The following ELP4 variants were observed in gnomAD, a reference collection of about 807,000 sequenced individuals.
ELP4 encodes elongator acetyltransferase complex subunit 4.
Under a neutral mutation model 48.9 loss-of-function variants are expected in ELP4, and 51 were observed. The observed-to-expected ratio is 1.04, with a 90% CI of 0.83 to 1.32. ELP4 has a LOEUF of 1.32. Ranked by LOEUF, ELP4 falls within the 40% of genes most tolerant of loss-of-function variation. The probability of loss-of-function intolerance (pLI) is 0.00; values close to 1 mark genes in which losing one functional copy is unlikely to be tolerated. For synonymous variants in ELP4, 210 were observed against 189.2 expected (o/e 1.11, Z -0.90); for missense variants, 519 against 514.6 (o/e 1.01, Z -0.08).
At chr11:31,612,413 A>G (rs189097727) in intron 5 of ELP4, among the ~76,000 whole-genome samples, 15 of 152,246 alleles carry the variant, frequency 9.9e-5, no homozygotes, top group Non-Finnish European at 2.1e-4. Context: ...AGAAATCTCA[A>G]ATGGTTGGAG....
At chr11:31,543,986 A>C (rs533408791) in intron 3 of ELP4, among the ~76,000 whole-genome samples, 1 of 152,266 alleles carries the variant, frequency 6.6e-6, no homozygotes, top group Non-Finnish European at 1.5e-5. Context: ...AAAAATCAAA[A>C]TAATGCCAAA....
intron 3 of ELP4, among the ~76,000 whole-genome samples, chr11:31,546,164 G>C (rs1338102555): frequency 1.3e-5 from 2 of 151,926 alleles, no homozygotes; most frequent in Admixed American, 1.3e-4. Context: ...TGGACTAAAT[G>C]CTCCAATTAA....
At chr11:31,612,839 A>C (rs1958007049) in intron 5 of ELP4, among the ~76,000 whole-genome samples, 1 of 152,202 alleles carries the variant, frequency 6.6e-6, no homozygotes, top group African/African-American at 2.4e-5. Context: ...GCTGGGGGTT[A>C]GCTATATGTA....
At chr11:31,747,874 A>T (rs1170911771) in intron 9 of ELP4, among the ~76,000 whole-genome samples, 1 of 152,256 alleles carries the variant, frequency 6.6e-6, no homozygotes, top group Admixed American at 6.5e-5. Context: ...GCAGACAGGT[A>T]GTAGAAAGTA....
chr11:31,739,917 T>C (rs1592269657), intron 9 of ELP4, among the ~76,000 whole-genome samples: 1 of 152,220 alleles, frequency 6.6e-6, no homozygotes, highest in East Asian at 1.9e-4. Flanking sequence ...CCCCATTTGC[T>C]TAAGCATTAC....
chr11:31,753,775 A>T, intron 9 of ELP4, among the ~76,000 whole-genome samples: 2 of 152,366 alleles, frequency 1.3e-5, no homozygotes, highest in South Asian at 4.1e-4. Flanking sequence ...TATGAAATTT[A>T]TTAAATTTTA....
chr11:31,775,059 A>G (rs1212281246), intron 9 of ELP4, among the ~76,000 whole-genome samples: 1 of 152,240 alleles, frequency 6.6e-6, no homozygotes, highest in Non-Finnish European at 1.5e-5. Context: ...AAGTGGGAAG[A>G]GGGAAGTTAG....
intron 9 of ELP4, among the ~76,000 whole-genome samples, chr11:31,684,178 G>C (rs1475725331): frequency 6.6e-6 from 1 of 151,554 alleles, no homozygotes; most frequent in African/African-American, 2.4e-5. Context: ...ATAAATTTTT[G>C]TTAAATAAAA....
At chr11:31,667,680 A>G (rs1280472193) in intron 9 of ELP4, among the ~76,000 whole-genome samples, 5 of 152,186 alleles carry the variant, frequency 3.3e-5, no homozygotes, top group African/African-American at 7.2e-5. Flanking sequence ...TTTCAACTAT[A>G]AAACTTCTAC....
In ELP4 at chr11:31,515,688, G is replaced by A. The variant is rs557133309; in HGVS notation, c.224-4368G>A. ...CCACCCCCCACAAAAAAAAGGAATTGCCAAAATGGTAAAGGTAGCTCTTTC... is the reference window on the plus strand; with the variant it reads ...CCACCCCCCACAAAAAAAAGGAATTACCAAAATGGTAAAGGTAGCTCTTTC... On this transcript the variant is annotated intron_variant, in intron 1 of 9. Transcript: ENST00000640961. Among the ~76,000 whole-genome samples the A allele has an allele frequency of 5.3e-5, 8 of 151,924 alleles. No homozygotes were observed. The South Asian group carries it at 1.7e-3, about 32-fold the overall frequency.
intron 9 of ELP4, among the ~76,000 whole-genome samples, chr11:31,769,972 A>C (rs1467787740): frequency 6.6e-6 from 1 of 152,192 alleles, no homozygotes; most frequent in African/African-American, 2.4e-5. Flanking sequence ...CTCCTCACTT[A>C]TCTTGGGTAG....
chr11:31,574,183 A>G (rs577573661), intron 3 of ELP4, among the ~76,000 whole-genome samples: 4 of 152,324 alleles, frequency 2.6e-5, no homozygotes, highest in African/African-American at 9.6e-5. Flanking sequence ...ATAAGAAGTC[A>G]TGTGCTTTTT....
chr11:31,634,928 C>G (rs1334343528), intron 7 of ELP4, among the ~76,000 whole-genome samples: 1 of 151,842 alleles, frequency 6.6e-6, no homozygotes, highest in Admixed American at 6.6e-5. Flanking sequence ...TAAAATTTTT[C>G]CAATTTTCAA....
Position 31,632,409 on chromosome 11 carries a change from C to G in ELP4, c.927+4C>G, listed in dbSNP as rs4922872. 6.3e-7 allele frequency: 1 copy of G among 1,596,104 alleles called. No individual in the cohort carries two copies. The highest frequency in any genetic ancestry group is 1.1e-5 in the South Asian group (1 of 87,436). On this transcript the variant is annotated splice_donor_region_variant and intron_variant, in intron 7 of 9. Coordinates refer to ENST00000640961, the MANE Select transcript of ELP4 (RefSeq NM_019040.5). The stretch of plus-strand genomic sequence containing the variant: ...AATGCCAACACATCTGATCCAGGTA[C>G]GAAATTTCCAGAACTACTTTTTCAT...
intron 9 of ELP4, chr11:31,767,215 C>T (rs756079951): frequency 1.3e-5 from 2 of 152,140 alleles, no homozygotes; most frequent in Non-Finnish European, 2.9e-5. Context: ...CCAAAAGGAA[C>T]ATTCCCATTG....
intron 3 of ELP4, among the ~76,000 whole-genome samples, chr11:31,575,688 CTAAGCTTCA>C (rs1957263486): frequency 6.6e-6 from 1 of 152,140 alleles, no homozygotes; most frequent in South Asian, 2.1e-4. Context: ...TCCAGCCAAA[CTAAGCTTCA>C]TAAGTGAAGG....
intron 9 of ELP4, among the ~76,000 whole-genome samples, chr11:31,740,143 A>G (rs1010515463): frequency 3.9e-5 from 6 of 152,232 alleles, no homozygotes; most frequent in African/African-American, 1.4e-4. Context: ...TGTCAGGCCT[A>G]GAGTTCGTCA....
intron 9 of ELP4, among the ~76,000 whole-genome samples, chr11:31,693,430 A>G (rs896142575): frequency 1.3e-5 from 2 of 151,990 alleles, no homozygotes; most frequent in African/African-American, 4.8e-5. Context: ...TGTCCTTGCA[A>G]TAGCTTGCTG....
intron 5 of ELP4, among the ~76,000 whole-genome samples, chr11:31,617,186 GATAA>G (rs1316445627): frequency 1.3e-5 from 2 of 152,040 alleles, no homozygotes; most frequent in South Asian, 2.1e-4. Context: ...CTGATGAACT[GATAA>G]ATAAAATATA....
Sources: allele counts gnomAD v4.1 joint callset (sites outside exome capture counted in the v4.1 genomes callset), GRCh38; gene constraint gnomAD v4.1.1; transcripts MANE v1.5; gene names NCBI Gene and HGNC (gene_info 2026-07-23, HGNC 2026-07-21).